The following GAS7 variants were observed in gnomAD, a reference collection of about 807,000 sequenced individuals.
The protein encoded by GAS7 is growth arrest specific 7, also known as growth arrest-specific protein 7.
GAS7 carries 28 observed loss-of-function variants against 71.1 expected under a neutral mutation model. The observed-to-expected ratio is 0.39, with a 90% CI of 0.29 to 0.54. GAS7 has a LOEUF of 0.54. Among genes scored for constraint, GAS7 ranks in the 20% least tolerant of loss-of-function variants. GAS7 has a pLI of 0.62. For missense variants in GAS7, 436 were observed against 627.8 expected, an observed-to-expected ratio of 0.69 and a Z score of 3.27; for synonymous variants, 258 against 245.8, an observed-to-expected ratio of 1.05 and a Z score of -0.46.
chr17:9,960,424 A>G (rs1353030679), intron 4 of GAS7, among the ~76,000 whole-genome samples: 1 of 151,980 alleles, frequency 6.6e-6, no homozygotes, highest in African/African-American at 2.4e-5. Flanking sequence ...TTTTGACCTC[A>G]GGCGATCCAC....
chr17:10,063,089 A>G (rs1412734234), intron 1 of GAS7, among the ~76,000 whole-genome samples: 3 of 152,248 alleles, frequency 2.0e-5, no homozygotes, highest in African/African-American at 7.2e-5. Context: ...TGGGTTTGCC[A>G]GAGTGGGCCA....
chr17:10,157,421 T>C (rs564611704), intron 1 of GAS7, among the ~76,000 whole-genome samples: 4 of 152,344 alleles, frequency 2.6e-5, no homozygotes, highest in African/African-American at 9.6e-5. Flanking sequence ...ACACTTCCTC[T>C]GGCAGCCGTT....
Position 10,111,001 on chromosome 17 carries a change from T to C in GAS7, c.183+87207A>G, listed in dbSNP as rs544322411. ...AAATATGTAAAACATTACGCGTCGA[T>C]TAAAAAGTAAAATAACACAAGATGC... On this transcript the variant is annotated intron_variant, in intron 1 of 13. Transcript: ENST00000432992. 3.3e-5 allele frequency among the ~76,000 whole-genome samples: 5 copies of C among 152,296 alleles called. No individual in the cohort carries two copies. In the South Asian group the frequency reaches 1.0e-3, roughly 32 times the overall value.
rs574073123 is a variant in GAS7 at position 10,190,603 on chromosome 17, A to G, written c.183+7605T>C. ...TCAAAAAAAAAAAAAAGAAAAAAAG[A>G]AATGCTTCTAAGGAAGAAGGGAAGG... On this transcript the variant is annotated intron_variant, in intron 1 of 13. Coordinates refer to ENST00000432992, the MANE Select transcript of GAS7 (RefSeq NM_201433.2). Among the ~76,000 whole-genome samples the G allele has an allele frequency of 1.3e-4, 19 of 151,820 alleles. No individual in the cohort carries two copies. The South Asian group carries it at 2.1e-3, about 17-fold the overall frequency.
rs2072689703 is a variant in GAS7, at chr17:10,034,162, A to G, written c.184-14265T>C. Reference sequence around the variant, plus strand: ...ACACAGGATGGGAATCGGAGCTGGTAAAGCTGCAGCAGTCTCGCTGGCAGA... The same window carrying G: ...ACACAGGATGGGAATCGGAGCTGGTGAAGCTGCAGCAGTCTCGCTGGCAGA... On this transcript the variant is annotated intron_variant, in intron 1 of 13. Coordinates refer to ENST00000432992, the MANE Select transcript of GAS7 (RefSeq NM_201433.2). The surrounding 1 kb of genome is among the most constrained non-coding windows in gnomAD (Gnocchi z 4.4). 2 of 984,984 alleles carry G rather than the reference A, an allele frequency of 2.0e-6. No individual in the cohort carries two copies. The highest frequency in any genetic ancestry group is 6.1e-5 in the Admixed American group (1 of 16,264). 61.0% of individuals were successfully genotyped at this position (984,984 alleles called of 1,614,324 possible).
At chr17:10,010,789 C>G (rs976478496) in intron 2 of GAS7, among the ~76,000 whole-genome samples, 1 of 152,156 alleles carries the variant, frequency 6.6e-6, no homozygotes, top group African/African-American at 2.4e-5. Flanking sequence ...GAATACTGAA[C>G]TAAAGTACAG....
chr17:10,089,684 A>G lies in GAS7; in HGVS notation c.184-69787T>C, dbSNP rs566292639. On this transcript the variant is annotated intron_variant, in intron 1 of 13. Coordinates refer to ENST00000432992, the MANE Select transcript of GAS7 (RefSeq NM_201433.2). ...GGCCCTGCTCACAGAAGGAGTAAAA[A>G]TAAGAGAACCATCACACTTGGGGAG... 2.0e-5 allele frequency among the ~76,000 whole-genome samples: 3 copies of G among 150,552 alleles called. No homozygotes were observed. In the South Asian group the frequency reaches 6.3e-4, roughly 31 times the overall value.
chr17:10,163,301 G>C (rs779194259), intron 1 of GAS7, among the ~76,000 whole-genome samples: 1 of 151,932 alleles, frequency 6.6e-6, no homozygotes, highest in African/African-American at 2.4e-5. Flanking sequence ...TAGTAGAGAC[G>C]GGGTGCGGGG....
intron 1 of GAS7, among the ~76,000 whole-genome samples, chr17:10,059,516 AC>A (rs2073194042): frequency 6.6e-6 from 1 of 152,148 alleles, no homozygotes; most frequent in Non-Finnish European, 1.5e-5. Flanking sequence ...ACACGGGAAG[AC>A]AGAAGAATCC....
chr17:9,981,676 A>G lies in GAS7; in HGVS notation c.385+128T>C. On this transcript the variant is annotated intron_variant, in intron 3 of 13. Coordinates refer to ENST00000432992, the MANE Select transcript of GAS7 (RefSeq NM_201433.2). The surrounding 1 kb of genome is among the most constrained non-coding windows in gnomAD (Gnocchi z 4.4). ...CAGCAGGCCTAAGGGACCCTCTCCC[A>G]GGCCCAACCCCTCCCTGGGTTTGCT... The G allele has an allele frequency of 1.5e-6, 1 of 668,810 alleles. No individual in the cohort carries two copies. Among genetic ancestry groups the G allele is most frequent in the Non-Finnish European group, 2.7e-6 (1 of 369,442 alleles). The allele number at this position is 668,810 out of a possible 1,614,324, so 41.4% of individuals were successfully genotyped here.
chr17:10,017,849 C>T (rs2072104692), intron 2 of GAS7, among the ~76,000 whole-genome samples: 2 of 152,204 alleles, frequency 1.3e-5, no homozygotes, highest in African/African-American at 4.8e-5. Context: ...AGTTCACTGA[C>T]CCCTGGCCTG....
intron 4 of GAS7, among the ~76,000 whole-genome samples, chr17:9,967,876 C>T (rs2069786614): frequency 6.6e-6 from 1 of 152,172 alleles, no homozygotes; most frequent in African/African-American, 2.4e-5. Context: ...ATCCCTGTGT[C>T]GATGGCTTAT....
chr17:10,186,133 T>C (rs910447001), intron 1 of GAS7, among the ~76,000 whole-genome samples: 1 of 151,448 alleles, frequency 6.6e-6, no homozygotes, highest in African/African-American at 2.4e-5. Flanking sequence ...TTGTATTTTT[T>C]TTTTTAATAG....
chr17:10,169,952 T>C (rs1217974025), intron 1 of GAS7, among the ~76,000 whole-genome samples: 1 of 152,104 alleles, frequency 6.6e-6, no homozygotes, highest in East Asian at 1.9e-4. Context: ...TTCCTCCCAT[T>C]TGCTTATGCC....
chr17:9,916,274 A>G lies in GAS7; in HGVS notation c.*954T>C. On this transcript the variant is annotated 3_prime_UTR_variant, in exon 14 of 14. Coordinates refer to ENST00000432992, the MANE Select transcript of GAS7 (RefSeq NM_201433.2). The stretch of plus-strand genomic sequence containing the variant: ...AAGAGCCTGTGGTGGGCGGCCCGGG[A>G]GAGTGGGGGCCAGGGCAGCCCAAAG... The G allele has an allele frequency of 4.3e-6, 1 of 233,186 alleles. No homozygotes were observed. Among genetic ancestry groups the G allele is most frequent in the Non-Finnish European group, 8.5e-6 (1 of 117,988 alleles). 14.4% of individuals were successfully genotyped at this position (233,186 alleles called of 1,614,324 possible).
rs1243686914 is a variant in GAS7 at position 9,915,536 on chromosome 17, AG to A, written c.*1691del. Reference sequence around the variant, plus strand: ...TGCAATGTTTCAAGAACAAGAGAAAAGTGACAACGTTTGGTTTACTTTAGTA... The same window carrying A: ...TGCAATGTTTCAAGAACAAGAGAAAATGACAACGTTTGGTTTACTTTAGTA... On this transcript the variant is annotated 3_prime_UTR_variant, in exon 14 of 14. Coordinates refer to ENST00000432992, the MANE Select transcript of GAS7 (RefSeq NM_201433.2). 4.4e-6 allele frequency: 1 copy of A among 226,492 alleles called. No individual in the cohort carries two copies. Among genetic ancestry groups the A allele is most frequent in the Non-Finnish European group, 8.8e-6 (1 of 113,854 alleles). The allele number at this position is 226,492 out of a possible 1,614,324, so 14.0% of individuals were successfully genotyped here. A position where few individuals can be genotyped will look rare whatever the true frequency, so the allele number is the denominator to read the frequency against.
chr17:10,028,780 T>C (rs966445920), intron 1 of GAS7, among the ~76,000 whole-genome samples: 1 of 151,916 alleles, frequency 6.6e-6, no homozygotes, highest in African/African-American at 2.4e-5. Flanking sequence ...TGCACATTGG[T>C]TGCAATAAAA....
chr17:10,195,640 C>A (rs1451094372), intron 1 of GAS7, among the ~76,000 whole-genome samples: 1 of 152,172 alleles, frequency 6.6e-6, no homozygotes, highest in Non-Finnish European at 1.5e-5. Context: ...ACCACATTGG[C>A]TGACATCTCA....
chr17:10,127,773 C>A (rs12150284), intron 1 of GAS7, among the ~76,000 whole-genome samples: 1 of 151,858 alleles, frequency 6.6e-6, no homozygotes, highest in Non-Finnish European at 1.5e-5. Context: ...TCCAACCAGG[C>A]GAAGTGGACT....
Sources: allele counts gnomAD v4.1 joint callset (sites outside exome capture counted in the v4.1 genomes callset), GRCh38; gene constraint gnomAD v4.1.1; non-coding constraint Gnocchi (gnomAD v3.1); transcripts MANE v1.5; gene names NCBI Gene and HGNC (gene_info 2026-07-23, HGNC 2026-07-21).